Variants in CNTNAP2 observed in about 807,000 individuals in gnomAD.
CNTNAP2 encodes the protein contactin-associated protein-like 2.
CNTNAP2 carries 98 observed loss-of-function variants against 155.2 expected under a neutral mutation model. The ratio of observed to expected loss-of-function variants is 0.63; its 90% confidence interval spans 0.54 to 0.75. The LOEUF (loss-of-function observed/expected upper bound fraction) is 0.75. CNTNAP2 is among the 30% of genes least tolerant of loss of function. The pLI is 0.00. For missense variants in CNTNAP2, 1,727 were observed against 1,688.1 expected (o/e 1.02, Z -0.40); for synonymous variants, 651 against 631.2 (o/e 1.03, Z -0.47).
chr7:146,754,554 G>GTCTCTCTCTCTCTC (rs143802449), intron 1 of CNTNAP2, among the ~76,000 whole-genome samples: 8 of 144,974 alleles, frequency 5.5e-5, no homozygotes, highest in African/African-American at 2.0e-4. Flanking sequence ...CTCTCTCTCT[G>GTCTCTCTCTCTCTC]TCTCTCTCTC....
At chr7:146,231,539 A>G (rs887691466) in intron 1 of CNTNAP2, among the ~76,000 whole-genome samples, 1 of 152,230 alleles carries the variant, frequency 6.6e-6, no homozygotes, top group Non-Finnish European at 1.5e-5. Context: ...TGAGCATAAA[A>G]TATAATTAAA....
rs575665926 is a variant in CNTNAP2, at chr7:147,549,572, C to T, written c.1778-12566C>T. Among the ~76,000 whole-genome samples the T allele has an allele frequency of 2.8e-4, 42 of 152,196 alleles. 1 individual carries two copies. The highest frequency in any genetic ancestry group is 4.1e-4 in the South Asian group (2 of 4,822). On this transcript the variant is annotated intron_variant, in intron 11 of 23. Coordinates refer to ENST00000361727, the MANE Select transcript of CNTNAP2 (RefSeq NM_014141.6). ...CAGAGACAACTGGACTTCTAACCTG[C>T]GGAGCTTTAAGTGACCAGGTCACAG...
chr7:148,026,761 C>G (rs1802382955), intron 15 of CNTNAP2, among the ~76,000 whole-genome samples: 1 of 152,080 alleles, frequency 6.6e-6, no homozygotes. Flanking sequence ...AAGTTAGAAC[C>G]CTAATCCTCT....
intron 8 of CNTNAP2, among the ~76,000 whole-genome samples, chr7:147,242,602 C>A (rs1435081172): frequency 1.3e-5 from 2 of 152,144 alleles, no homozygotes; most frequent in Non-Finnish European, 2.9e-5. Flanking sequence ...GTACCCCGAT[C>A]GTTTTGCTGC....
rs75531344 is a variant in CNTNAP2, at chr7:148,338,460, A to G, written c.3476-45189A>G. Among the ~76,000 whole-genome samples, 676 of 152,192 alleles carry G rather than the reference A, an allele frequency of 4.4e-3. 5 individuals are homozygous for G. The highest frequency in any genetic ancestry group is 0.014 in the African/African-American group (598 of 41,512). On this transcript the variant is annotated intron_variant, in intron 21 of 23. Transcript: ENST00000361727. ...AGCTTCCTAATTTTCTCTCCCATGG[A>G]CAAACTCTTCCCTCCCCCCACCCCG...
intron 3 of CNTNAP2, among the ~76,000 whole-genome samples, chr7:147,020,995 C>T (rs985953243): frequency 2.0e-5 from 3 of 152,012 alleles, no homozygotes; most frequent in Non-Finnish European, 2.9e-5. Context: ...ACCCAGTACC[C>T]GAGGTTTTGG....
chr7:148,272,035 T>C (rs1304474504), intron 21 of CNTNAP2, among the ~76,000 whole-genome samples: 2 of 152,104 alleles, frequency 1.3e-5, no homozygotes, highest in Non-Finnish European at 2.9e-5. Context: ...CTGAGCTCTT[T>C]GATGAGCACT....
chr7:147,163,431 A>G (rs1802064239), intron 8 of CNTNAP2, among the ~76,000 whole-genome samples: 2 of 152,194 alleles, frequency 1.3e-5, no homozygotes, highest in East Asian at 1.9e-4. Context: ...TAAAATATTT[A>G]TAACTACTTT....
intron 1 of CNTNAP2, among the ~76,000 whole-genome samples, chr7:146,657,805 CAAAG>C (rs1229794974): frequency 1.3e-5 from 2 of 151,806 alleles, no homozygotes; most frequent in African/African-American, 2.4e-5. Context: ...AAAGATTTGT[CAAAG>C]AAACCTTTTA....
At chr7:146,889,043 G>A (rs906548715) in intron 3 of CNTNAP2, among the ~76,000 whole-genome samples, 3 of 151,860 alleles carry the variant, frequency 2.0e-5, no homozygotes, top group Admixed American at 1.3e-4. Flanking sequence ...AGAGTGGGAG[G>A]AAACATTGGG....
chr7:146,579,469 C>T (rs1285201233), intron 1 of CNTNAP2, among the ~76,000 whole-genome samples: 18 of 152,018 alleles, frequency 1.2e-4, no homozygotes, highest in Admixed American at 1.2e-3. Flanking sequence ...TGCCAAAATG[C>T]CAGCCCACTG....
In CNTNAP2 at chr7:147,802,437, G is replaced by T. The variant is rs547029879; in HGVS notation, c.2099-101128G>T. Among the ~76,000 whole-genome samples the T allele has an allele frequency of 7.9e-5, 12 of 152,164 alleles. No individual in the cohort carries two copies. In the South Asian group the frequency reaches 1.7e-3, roughly 21 times the overall value. On this transcript the variant is annotated intron_variant, in intron 13 of 23. Transcript: ENST00000361727. ...GGCCAAGGCAGGCGGCTGGGAGGTG[G>T]AAGTTGTAGCGAGCCGAGATCAGGC...
chr7:146,721,015 CTATATAT>C (rs1458560710), intron 1 of CNTNAP2, among the ~76,000 whole-genome samples: 1 of 101,684 alleles, frequency 9.8e-6, no homozygotes, highest in Non-Finnish European at 1.7e-5. Flanking sequence ...TATATATACT[CTATATAT>C]TATATATACT....
intron 15 of CNTNAP2, among the ~76,000 whole-genome samples, chr7:147,993,207 A>G (rs879721069): frequency 2.6e-5 from 4 of 152,216 alleles, no homozygotes; most frequent in Non-Finnish European, 5.9e-5. Context: ...CCATTTTAAC[A>G]AAGGCAAAAA....
chr7:146,501,306 C>T (rs1797297135), intron 1 of CNTNAP2, among the ~76,000 whole-genome samples: 4 of 152,022 alleles, frequency 2.6e-5, no homozygotes, highest in Admixed American at 1.3e-4. Context: ...ATTCTTTAAA[C>T]ATTTGGTAGA....
At chr7:147,519,476 T>A (rs1207620492) in intron 11 of CNTNAP2, among the ~76,000 whole-genome samples, 1 of 152,196 alleles carries the variant, frequency 6.6e-6, no homozygotes, top group Non-Finnish European at 1.5e-5. Flanking sequence ...AAGTAATTTA[T>A]CCACAGGTTT....
chr7:147,555,271 A>C (rs1277095631), intron 11 of CNTNAP2, among the ~76,000 whole-genome samples: 3 of 152,228 alleles, frequency 2.0e-5, no homozygotes, highest in African/African-American at 4.8e-5. Flanking sequence ...TACACTGAAC[A>C]ATACCAACCC....
chr7:148,263,589 T>C (rs1796600975), intron 20 of CNTNAP2, among the ~76,000 whole-genome samples: 1 of 151,790 alleles, frequency 6.6e-6, no homozygotes. Flanking sequence ...ATACAAAAAT[T>C]AGCCGGGCGT....
chr7:147,228,870 T>C (rs34571632), intron 8 of CNTNAP2, among the ~76,000 whole-genome samples: 2,445 of 151,886 alleles, frequency 0.016, 26 homozygotes, highest in South Asian at 0.045. Context: ...TGTGTTCTCA[T>C]TGTTCAACTC....
Sources: allele counts gnomAD v4.1 joint callset (sites outside exome capture counted in the v4.1 genomes callset), GRCh38; gene constraint gnomAD v4.1.1; transcripts MANE v1.5; gene names NCBI Gene and HGNC (gene_info 2026-07-23, HGNC 2026-07-21).